Variants in SLC35F4 observed in about 807,000 individuals in gnomAD.
The protein encoded by SLC35F4 is solute carrier family 35 member F4, also known as chromosome 14 open reading frame 36.
In SLC35F4, 24 loss-of-function variants were observed where a neutral mutation model predicts 44.2. The ratio of observed to expected loss-of-function variants is 0.54; its 90% CI spans 0.39 to 0.76. The LOEUF (loss-of-function observed/expected upper bound fraction) is 0.76, where lower values mean the gene tolerates loss of function less well. Ranked by LOEUF, SLC35F4 falls within the 30% of genes least tolerant of loss-of-function variation. The pLI is 0.00. For missense variants in SLC35F4, 562 were observed against 586.1 expected, an observed-to-expected ratio of 0.96 and a Z score of 0.42; for synonymous variants, 238 against 223.6, an observed-to-expected ratio of 1.06 and a Z score of -0.57.
chr14:57,861,942 A>G (rs1159316145), intron 1 of SLC35F4, among the ~76,000 whole-genome samples: 1 of 152,150 alleles, frequency 6.6e-6, no homozygotes, highest in East Asian at 1.9e-4. Flanking sequence ...GGCCTTAAAT[A>G]CCACCCAAGT....
At chr14:57,913,929 A>C (rs1399032953) in intron 1 of SLC35F4, among the ~76,000 whole-genome samples, 1 of 152,126 alleles carries the variant, frequency 6.6e-6, no homozygotes, top group African/African-American at 2.4e-5. Context: ...TTCACTTTTG[A>C]AGGATAATTT....
chr14:57,700,217 C>T (rs955724758), intron 1 of SLC35F4, among the ~76,000 whole-genome samples: 7 of 152,204 alleles, frequency 4.6e-5, no homozygotes, highest in African/African-American at 1.7e-4. Flanking sequence ...ATACAAACCC[C>T]TACAGCATGT....
chr14:57,880,034 GAGGAAGGAAGGAAGGAAGGAAGGAAGGA>G (rs59505576), intron 1 of SLC35F4, among the ~76,000 whole-genome samples: 6,171 of 92,972 alleles, frequency 0.066, 273 homozygotes, highest in East Asian at 0.13. Context: ...GGAAAGGAGG[GAGGAAGGAAGGAAGGAAGGAAGGAAGGA>G]AGGAAGGAAG....
intron 1 of SLC35F4, among the ~76,000 whole-genome samples, chr14:57,852,900 C>T (rs1886710485): frequency 1.3e-5 from 2 of 152,146 alleles, no homozygotes; most frequent in African/African-American, 2.4e-5. Flanking sequence ...ATAAAGAATT[C>T]TTCTTATGTC....
chr14:57,650,552 G>T (rs1240113093), intron 1 of SLC35F4, among the ~76,000 whole-genome samples: 1 of 152,044 alleles, frequency 6.6e-6, no homozygotes, highest in Non-Finnish European at 1.5e-5. Flanking sequence ...CCTCTGTCAT[G>T]TCCAGCCCAG....
chr14:57,709,775 A>T (rs1008761872), intron 1 of SLC35F4, among the ~76,000 whole-genome samples: 1 of 152,198 alleles, frequency 6.6e-6, no homozygotes, highest in African/African-American at 2.4e-5. Context: ...CTGGTAGAAG[A>T]AATTTCTAAG....
At chr14:57,839,826 T>C (rs1356871273) in intron 1 of SLC35F4, among the ~76,000 whole-genome samples, 2 of 152,098 alleles carry the variant, frequency 1.3e-5, no homozygotes, top group African/African-American at 4.8e-5. Flanking sequence ...AGCCCAGGCA[T>C]CTGTATTTTT....
chr14:57,579,153 T>A (rs1225447355), intron 4 of SLC35F4: 3 of 152,216 alleles, frequency 2.0e-5, no homozygotes, highest in African/African-American at 7.2e-5. Context: ...CCCACTCAGA[T>A]AATCCAATAT....
chr14:57,758,710 A>T (rs1209058863), intron 1 of SLC35F4, among the ~76,000 whole-genome samples: 1 of 149,030 alleles, frequency 6.7e-6, no homozygotes, highest in African/African-American at 2.4e-5. Flanking sequence ...ATCTTTGACT[A>T]GATGCCAGGT....
chr14:57,622,060 T>C (rs574096302), intron 1 of SLC35F4, among the ~76,000 whole-genome samples: 47 of 149,036 alleles, frequency 3.2e-4, no homozygotes, highest in African/African-American at 9.0e-4. Context: ...AAAAAACACA[T>C]GAAAAAATGC....
intron 1 of SLC35F4, among the ~76,000 whole-genome samples, chr14:57,927,772 T>C (rs999511454): frequency 2.1e-4 from 32 of 152,124 alleles, no homozygotes; most frequent in Non-Finnish European, 7.4e-5. Context: ...ATTACAGGCA[T>C]TAGCCATCAC....
chr14:57,926,159 C>A (rs1416886154), intron 1 of SLC35F4, among the ~76,000 whole-genome samples: 1 of 152,200 alleles, frequency 6.6e-6, no homozygotes, highest in Non-Finnish European at 1.5e-5. Context: ...ATCAGACACT[C>A]AAAACAGGCC....
chr14:57,767,392 CAGAA>C (rs1217072135), intron 1 of SLC35F4, among the ~76,000 whole-genome samples: 3 of 152,076 alleles, frequency 2.0e-5, no homozygotes, highest in Non-Finnish European at 2.9e-5. Flanking sequence ...AAATGAGTAA[CAGAA>C]AGAAAATGAC....
upstream of SLC35F4, among the ~76,000 whole-genome samples, chr14:57,870,903 T>C (rs771884737): frequency 2.0e-5 from 3 of 152,218 alleles, no homozygotes; most frequent in Non-Finnish European, 4.4e-5. Flanking sequence ...GCCAATGGAA[T>C]AAGTGGCTTC....
intron 1 of SLC35F4, among the ~76,000 whole-genome samples, chr14:57,683,414 A>T (rs1489257088): frequency 6.6e-6 from 1 of 152,224 alleles, no homozygotes; most frequent in Non-Finnish European, 1.5e-5. Flanking sequence ...ATTTAGCAAC[A>T]TCTAAGAGCC....
intron 1 of SLC35F4, among the ~76,000 whole-genome samples, chr14:57,792,152 T>C (rs962191278): frequency 6.6e-6 from 1 of 151,752 alleles, no homozygotes; most frequent in Admixed American, 6.6e-5. Flanking sequence ...CAGAAACATA[T>C]GAAAAAATGC....
chr14:57,721,357 T>C (rs1335168015), intron 1 of SLC35F4, among the ~76,000 whole-genome samples: 1 of 152,096 alleles, frequency 6.6e-6, no homozygotes, highest in African/African-American at 2.4e-5. Context: ...TTTGACCATA[T>C]GTGGAGAAGC....
At chr14:57,648,206 A>G (rs1346459314) in intron 1 of SLC35F4, among the ~76,000 whole-genome samples, 3 of 152,198 alleles carry the variant, frequency 2.0e-5, no homozygotes, top group Non-Finnish European at 4.4e-5. Context: ...GAAATGATAC[A>G]TCATCATCAT....
At chr14:57,842,806 GGT>G (rs1158985051) in intron 1 of SLC35F4, among the ~76,000 whole-genome samples, 1 of 152,142 alleles carries the variant, frequency 6.6e-6, no homozygotes, top group East Asian at 1.9e-4. Flanking sequence ...TGTCTGTGAG[GGT>G]GTTGCCAAAG....
Sources: gnomAD v4.1 joint callset for allele counts (sites outside exome capture counted in the v4.1 genomes callset) on GRCh38, gnomAD v4.1.1 for gene constraint, MANE v1.5 for transcripts, NCBI Gene and HGNC (gene_info 2026-07-23, HGNC 2026-07-21) for gene names.